KAZN: variants seen among roughly 807,000 people sequenced by gnomAD.
The protein encoded by KAZN is kazrin.
Under a neutral mutation model 87.4 loss-of-function variants are expected in KAZN, and 40 were observed. The observed-to-expected ratio is 0.46, with a 90% CI of 0.36 to 0.60. The LOEUF (loss-of-function observed/expected upper bound fraction) is 0.60, where lower values mean the gene tolerates loss of function less well. Among genes scored for constraint, KAZN ranks in the 20% least tolerant of loss-of-function variants. The pLI, the probability that KAZN is intolerant of heterozygous loss-of-function variation, is 0.00. For missense variants in KAZN, 898 were observed against 1,073.9 expected (o/e 0.84, Z 2.29); for synonymous variants, 466 against 458.3 (o/e 1.02, Z -0.22).
chr1:14,233,030 G>A (rs192519731), intron 2 of KAZN, among the ~76,000 whole-genome samples: 1 of 152,314 alleles, frequency 6.6e-6, no homozygotes, highest in African/African-American at 2.4e-5. Flanking sequence ...ATAGTGAAAT[G>A]AGATCCAGGT....
chr1:14,843,676 C>T (rs964042964), intron 1 of KAZN, among the ~76,000 whole-genome samples: 2 of 152,216 alleles, frequency 1.3e-5, no homozygotes, highest in African/African-American at 4.8e-5. Context: ...TCATTTTATA[C>T]TCTTAAGATA....
rs1481811424 is a variant in KAZN, at chr1:14,258,216, TTC to T, written c.249+77626_249+77627del. On this transcript the variant is annotated intron_variant, in intron 2 of 16. Transcript: ENST00000636203. ...CAAGATTCTTTCTTTCTTTCTTTCT[TTC>T]TTTTTTTTTTTTTTTGAGACAGAGT... Among the ~76,000 whole-genome samples the T allele has an allele frequency of 1.3e-3, 127 of 96,034 alleles. No homozygotes were observed. The East Asian group carries it at 0.037, about 28-fold the overall frequency. 63.0% of individuals were successfully genotyped at this position (96,034 alleles called of 152,430 possible).
chr1:14,886,405 C>T (rs942843739), intron 1 of KAZN, among the ~76,000 whole-genome samples: 48 of 151,292 alleles, frequency 3.2e-4, no homozygotes, highest in Middle Eastern at 3.2e-3. Context: ...CCTGGATGAA[C>T]GCATGAGGCC....
chr1:14,943,938 G>A (rs1310403430), intron 1 of KAZN, among the ~76,000 whole-genome samples: 1 of 152,186 alleles, frequency 6.6e-6, no homozygotes, highest in Non-Finnish European at 1.5e-5. Flanking sequence ...GCCGGGCGTG[G>A]TGGCGCATGC....
At chr1:14,971,508 A>G (rs1244076453) in intron 2 of KAZN, among the ~76,000 whole-genome samples, 1 of 152,112 alleles carries the variant, frequency 6.6e-6, no homozygotes, top group East Asian at 1.9e-4. Context: ...TTCTTCATAG[A>G]TATTTGGCAG....
At chr1:15,103,990 G>A in intron 12 of KAZN, 33 bp from the exon 13 acceptor site, 1 of 1,602,180 alleles carries the variant, frequency 6.2e-7, no homozygotes, top group South Asian at 1.1e-5. Context: ...CATGGCCCCT[G>A]CAGGCTAACA....
Position 15,103,361 on chromosome 1 carries a change from C to A in KAZN, c.1782C>A (p.Ala594=). Residue 594 remains alanine, a splice_region_variant and synonymous_variant, in exon 12 of 15, where the codon GCC becomes GCA. Transcript: ENST00000376030. ...ATGACCCACTGTCTCCCCACAAGGCCCTCCAGGAGCGCCGGGCCCGCTGCG... is the reference window on the plus strand; with the variant it reads ...ATGACCCACTGTCTCCCCACAAGGCACTCCAGGAGCGCCGGGCCCGCTGCG... ...LLYQVNFSRE[A]LQERRARCET... is the part of the protein sequence containing the mutation. 1 of 1,550,986 alleles carries A rather than the reference C, an allele frequency of 6.4e-7. No homozygotes were observed. Among genetic ancestry groups the A allele is most frequent in the Non-Finnish European group, 8.7e-7 (1 of 1,146,726 alleles).
intron 1 of KAZN, among the ~76,000 whole-genome samples, chr1:13,959,113 C>T (rs189150927): frequency 6.6e-6 from 1 of 152,324 alleles, no homozygotes; most frequent in East Asian, 1.9e-4. Context: ...CCCAAGTGAT[C>T]CCTCTAGAAG....
intron 1 of KAZN, among the ~76,000 whole-genome samples, chr1:14,166,532 A>G (rs1645830354): frequency 1.3e-5 from 2 of 152,186 alleles, no homozygotes; most frequent in Admixed American, 6.5e-5. Context: ...ATTACACAAA[A>G]TAAGCATAAA....
At chr1:14,954,451 T>C (rs947855398) in intron 1 of KAZN, among the ~76,000 whole-genome samples, 3 of 152,212 alleles carry the variant, frequency 2.0e-5, no homozygotes, top group Non-Finnish European at 4.4e-5. Context: ...CTTTCTCCTG[T>C]CATTGGGTCA....
chr1:13,991,797 T>C (rs1168424975), intron 1 of KAZN, among the ~76,000 whole-genome samples: 2 of 152,138 alleles, frequency 1.3e-5, no homozygotes, highest in Non-Finnish European at 2.9e-5. Context: ...GTGGTTGACA[T>C]GATGCTTCCC....
At chr1:14,931,960 C>T (rs1659881337) in intron 1 of KAZN, among the ~76,000 whole-genome samples, 2 of 152,154 alleles carry the variant, frequency 1.3e-5, no homozygotes, top group Admixed American at 6.5e-5. Flanking sequence ...GAAAGAGGCA[C>T]GTGCCTTTCT....
chr1:14,250,455 A>G (rs1649919607), intron 2 of KAZN, among the ~76,000 whole-genome samples: 1 of 147,332 alleles, frequency 6.8e-6, no homozygotes, highest in South Asian at 2.1e-4. Flanking sequence ...AAACAGAATC[A>G]GCAAGACATT....
At chr1:14,256,430 G>A (rs1194376447) in intron 2 of KAZN, among the ~76,000 whole-genome samples, 1 of 152,024 alleles carries the variant, frequency 6.6e-6, no homozygotes, top group Non-Finnish European at 1.5e-5. Flanking sequence ...AAGGAAAGAA[G>A]GAAGGGAGAA....
chr1:14,118,657 G>T (rs141451687), intron 1 of KAZN, among the ~76,000 whole-genome samples: 2 of 152,154 alleles, frequency 1.3e-5, no homozygotes, highest in Non-Finnish European at 2.9e-5. Flanking sequence ...GATGTTCACC[G>T]AAGAGATCTC....
chr1:14,660,550 T>C (rs1055896860), intron 1 of KAZN, among the ~76,000 whole-genome samples: 10 of 143,084 alleles, frequency 7.0e-5, no homozygotes, highest in African/African-American at 2.6e-4. Flanking sequence ...TCTTTTTTTT[T>C]TTTTTTTTTT....
chr1:14,371,638 A>G (rs1660492955), intron 2 of KAZN, among the ~76,000 whole-genome samples: 1 of 152,230 alleles, frequency 6.6e-6, no homozygotes. Context: ...CATAAAGCAC[A>G]TGACAAGAGA....
intron 1 of KAZN, among the ~76,000 whole-genome samples, chr1:14,152,191 T>C (rs1386995018): frequency 6.6e-6 from 1 of 152,230 alleles, no homozygotes; most frequent in East Asian, 1.9e-4. Flanking sequence ...AATTATACTC[T>C]TTGAATTATT....
intron 2 of KAZN, among the ~76,000 whole-genome samples, chr1:14,475,617 G>A (rs1668674696): frequency 6.6e-6 from 1 of 152,190 alleles, no homozygotes; most frequent in Non-Finnish European, 1.5e-5. Context: ...AAATGATGGA[G>A]CGTGGGAAGT....
Sources: gnomAD v4.1 joint callset for allele counts (sites outside exome capture counted in the v4.1 genomes callset) on GRCh38, gnomAD v4.1.1 for gene constraint, MANE v1.5 for transcripts, NCBI Gene and HGNC (gene_info 2026-07-23, HGNC 2026-07-21) for gene names.